The following ZNF609 variants were observed in gnomAD, a reference collection of about 807,000 sequenced individuals.
The protein encoded by ZNF609 is zinc finger protein 609.
ZNF609 carries 11 observed loss-of-function variants against 109.5 expected under a neutral mutation model. That is an observed-to-expected ratio of 0.10 (90% CI 0.06 to 0.17). The LOEUF (loss-of-function observed/expected upper bound fraction) is 0.17. Ranked by LOEUF, ZNF609 falls within the 10% of genes least tolerant of loss-of-function variation. The pLI is 1.00. For synonymous variants in ZNF609, 646 were observed against 662.0 expected, an observed-to-expected ratio of 0.98 and a Z score of 0.37; for missense variants, 1,559 against 1,772.4, an observed-to-expected ratio of 0.88 and a Z score of 2.16.
intron 1 of ZNF609, among the ~76,000 whole-genome samples, chr15:64,485,331 G>A (rs1893317198): frequency 6.6e-6 from 1 of 152,154 alleles, no homozygotes; most frequent in Non-Finnish European, 1.5e-5. Context: ...ATTAGATATG[G>A]AACACTCAGG....
intron 3 of ZNF609, among the ~76,000 whole-genome samples, chr15:64,647,034 C>A (rs1474002807): frequency 6.7e-6 from 1 of 149,500 alleles, no homozygotes; most frequent in East Asian, 2.0e-4. Context: ...GTTAGGCTTA[C>A]TTAGTACTCC....
rs760050541 is a variant in ZNF609 at position 64,674,714 on chromosome 15, C to T, written c.1860C>T (p.Ser620=). 3 of 1,614,082 alleles carry T rather than the reference C, an allele frequency of 1.9e-6. No homozygotes were observed. The highest frequency in any genetic ancestry group is 1.3e-5 in the African/African-American group (1 of 75,022). ...DDGPSVMDET[S]NDAFDSLERK... ...GACCCTCAGTGATGGATGAAACAAG[C>T]AATGATGCCTTTGATTCTTTAGAAA... Residue 620 remains serine, a synonymous_variant, in exon 5 of 10, where the codon AGC becomes AGT. Coordinates refer to ENST00000326648, the MANE Select transcript of ZNF609 (RefSeq NM_015042.2).
At chr15:64,669,568 A>G (rs574551914) in intron 3 of ZNF609, among the ~76,000 whole-genome samples, 1 of 152,332 alleles carries the variant, frequency 6.6e-6, no homozygotes, top group South Asian at 2.1e-4. Context: ...ACTTCATTTT[A>G]TATTAGGGTT....
At chr15:64,678,761 T>G (rs900848250) in intron 6 of ZNF609, among the ~76,000 whole-genome samples, 6 of 152,328 alleles carry the variant, frequency 3.9e-5, no homozygotes, top group Admixed American at 6.5e-5. Context: ...TAAAACTCCT[T>G]CTCTGTCACT....
chr15:64,681,086 C>T (rs1308666721), intron 8 of ZNF609, among the ~76,000 whole-genome samples: 1 of 152,036 alleles, frequency 6.6e-6, no homozygotes, highest in Non-Finnish European at 1.5e-5. Context: ...TCTTAAATTC[C>T]TCCAGAATAC....
At position 64,600,476 on chromosome 15, in the gene ZNF609, A is replaced by G. The variant is rs558844369; in HGVS notation, c.748-22351A>G. ...AAAAAAAAAAAAAAAAGAAAAAAAAAAACAGAAAAATTAGCCAGGTGTGGT... is the reference window on the plus strand; with the variant it reads ...AAAAAAAAAAAAAAAAGAAAAAAAAGAACAGAAAAATTAGCCAGGTGTGGT... On this transcript the variant is annotated intron_variant, in intron 2 of 9. Transcript: ENST00000326648. Among the ~76,000 whole-genome samples the G allele has an allele frequency of 9.9e-3, 1,487 of 150,744 alleles. 20 individuals carry two copies. The highest frequency in any genetic ancestry group is 0.017 in the Non-Finnish European group (1,149 of 67,656).
chr15:64,564,161 T>C (rs1052756370), intron 2 of ZNF609, among the ~76,000 whole-genome samples: 3 of 151,676 alleles, frequency 2.0e-5, no homozygotes, highest in Non-Finnish European at 2.9e-5. Flanking sequence ...GCATGTTGTA[T>C]GCGCTGGCTG....
intron 3 of ZNF609, among the ~76,000 whole-genome samples, chr15:64,629,463 A>C (rs980064684): frequency 6.6e-6 from 1 of 152,210 alleles, no homozygotes; most frequent in Non-Finnish European, 1.5e-5. Flanking sequence ...ATGACATCGC[A>C]ATGGAATCAC....
chr15:64,628,036 G>C (rs1042987281), intron 3 of ZNF609, among the ~76,000 whole-genome samples: 3 of 151,788 alleles, frequency 2.0e-5, no homozygotes, highest in Non-Finnish European at 2.9e-5. Flanking sequence ...ACTTTGGGAG[G>C]CTGATGCAGA....
intron 2 of ZNF609, among the ~76,000 whole-genome samples, chr15:64,576,401 T>G (rs1431821597): frequency 6.6e-6 from 1 of 152,024 alleles, no homozygotes; most frequent in Non-Finnish European, 1.5e-5. Flanking sequence ...GTCATGTGCT[T>G]CTTAGTTATG....
chr15:64,491,304 TGTA>T (rs936248617), intron 1 of ZNF609, among the ~76,000 whole-genome samples: 2 of 152,312 alleles, frequency 1.3e-5, no homozygotes, highest in Admixed American at 1.3e-4. Flanking sequence ...GTTTACATGT[TGTA>T]GTAACCATAC....
rs1370294672 is a variant in ZNF609, at chr15:64,577,051, TATATAC to T, written c.748-45770_748-45765del. Among the ~76,000 whole-genome samples the T allele has an allele frequency of 3.3e-3, 179 of 53,616 alleles. 27 individuals are homozygous for T. In the Middle Eastern group the frequency reaches 0.11, roughly 33 times the overall value. 35.2% of individuals were successfully genotyped at this position (53,616 alleles called of 152,430 possible). A position where few individuals can be genotyped will look rare whatever the true frequency, so the allele number is the denominator to read the frequency against. On this transcript the variant is annotated intron_variant, in intron 2 of 9. Coordinates refer to ENST00000326648, the MANE Select transcript of ZNF609 (RefSeq NM_015042.2). ...ATATATATGTATATATACACATAAA[TATATAC>T]ATATATGTATATATACACAAATATA...
intron 1 of ZNF609, among the ~76,000 whole-genome samples, chr15:64,494,584 A>G (rs1032692666): frequency 6.6e-6 from 1 of 152,048 alleles, no homozygotes; most frequent in African/African-American, 2.4e-5. Flanking sequence ...TCTGTCACCT[A>G]TGCTGGAGTG....
intron 2 of ZNF609, among the ~76,000 whole-genome samples, chr15:64,549,184 G>A (rs1894420284): frequency 6.6e-6 from 1 of 151,968 alleles, no homozygotes; most frequent in African/African-American, 2.4e-5. Flanking sequence ...GTTTGTTTTG[G>A]TTTTGGTTTG....
intron 1 of ZNF609, among the ~76,000 whole-genome samples, chr15:64,479,645 G>T (rs1893223066): frequency 6.6e-6 from 1 of 152,030 alleles, no homozygotes; most frequent in Admixed American, 6.5e-5. Context: ...AGGGCTGGGT[G>T]TGGTGGTTCA....
chr15:64,598,469 GTTTATT>G (rs1895435301), intron 2 of ZNF609, among the ~76,000 whole-genome samples: 1 of 151,896 alleles, frequency 6.6e-6, no homozygotes, highest in Non-Finnish European at 1.5e-5. Context: ...GTATAGATCA[GTTTATT>G]TTTATTTATC....
intron 1 of ZNF609, among the ~76,000 whole-genome samples, chr15:64,469,773 AATCC>A (rs1430155911): frequency 1.3e-5 from 2 of 152,202 alleles, no homozygotes; most frequent in African/African-American, 4.8e-5. Flanking sequence ...TCACGCCTGT[AATCC>A]TAGCACTTTG....
chr15:64,471,275 C>A (rs1420641101), intron 1 of ZNF609: 1 of 151,856 alleles, frequency 6.6e-6, no homozygotes, highest in Non-Finnish European at 1.5e-5. Context: ...GCATTAGAAT[C>A]ATTTGAACCT....
intron 2 of ZNF609, chr15:64,593,428 G>A: frequency 1.5e-6 from 1 of 684,250 alleles, no homozygotes. Flanking sequence ...TTAAGTTATA[G>A]CTAATTGACA....
Sources: allele counts gnomAD v4.1 joint callset (sites outside exome capture counted in the v4.1 genomes callset), GRCh38; gene constraint gnomAD v4.1.1; transcripts MANE v1.5; gene names NCBI Gene and HGNC (gene_info 2026-07-23, HGNC 2026-07-21).